The following VAC14 variants were observed in gnomAD, a reference collection of about 807,000 sequenced individuals.
The protein encoded by VAC14 is VAC14 component of PIKFYVE complex, also known as protein VAC14 homolog.
In VAC14, 47 loss-of-function variants were observed where a neutral mutation model predicts 85.3. The observed-to-expected ratio is 0.55, with a 90% CI of 0.44 to 0.70. The LOEUF is 0.70. VAC14 is among the 30% of genes least tolerant of loss of function. The probability of loss-of-function intolerance (pLI) is 0.00; values close to 1 mark genes in which losing one functional copy is unlikely to be tolerated. For missense variants in VAC14, 861 were observed against 1,004.3 expected (o/e 0.86, Z 1.93); for synonymous variants, 447 against 430.5 (o/e 1.04, Z -0.47).
At chr16:70,707,738 G>C (rs2053948854) in intron 14 of VAC14, among the ~76,000 whole-genome samples, 1 of 151,996 alleles carries the variant, frequency 6.6e-6, no homozygotes, top group African/African-American at 2.4e-5. Context: ...GAGGGGCTCT[G>C]CCTTCTCCTC....
chr16:70,736,021 C>A (rs80346763), intron 13 of VAC14, among the ~76,000 whole-genome samples: 2 of 152,182 alleles, frequency 1.3e-5, no homozygotes. Flanking sequence ...TTTGGTAGGC[C>A]GTGGTGGCCT....
chr16:70,786,253 G>A lies in VAC14; in HGVS notation c.217C>T (p.Leu73Phe). ...SQHPHSRKGG[L>F]IGLAACSIAL... ...ATGGAGCAGGCGGCCAGGCCGATGA[G>A]GCCCCCTTTCCGGCTGTGGGGGTGC... The change falls in exon 2 of 19, where the codon CTC becomes TTC. Residue 73 changes from leucine to phenylalanine, a missense_variant. Leu to Phe is a conservative substitution (Grantham distance 22). This residue lies in a region of VAC14 where 629 missense variants were observed against 703.1 expected (regional missense o/e 0.89). Coordinates refer to ENST00000261776, the MANE Select transcript of VAC14 (RefSeq NM_018052.5). The A allele has an allele frequency of 6.2e-7, 1 of 1,614,262 alleles. No individual in the cohort carries two copies. Among genetic ancestry groups the A allele is most frequent in the African/African-American group, 1.3e-5 (1 of 75,072 alleles).
chr16:70,704,747 A>G (rs1159613097), intron 14 of VAC14, among the ~76,000 whole-genome samples: 1 of 152,138 alleles, frequency 6.6e-6, no homozygotes, highest in Non-Finnish European at 1.5e-5. Flanking sequence ...GCTCGGGAGG[A>G]GCTGGGGAAT....
chr16:70,793,935 T>C (rs955712824), intron 1 of VAC14, among the ~76,000 whole-genome samples: 8 of 152,178 alleles, frequency 5.3e-5, no homozygotes, highest in African/African-American at 1.9e-4. Context: ...AGGAATGAAC[T>C]GATTAGAAAT....
chr16:70,709,003 G>A (rs1421359821), intron 14 of VAC14, among the ~76,000 whole-genome samples: 1 of 152,326 alleles, frequency 6.6e-6, no homozygotes, highest in East Asian at 1.9e-4. Flanking sequence ...GCTGAGAAGT[G>A]CCCAAGCCCT....
At chr16:70,728,037 C>T (rs2054481882) in intron 14 of VAC14, among the ~76,000 whole-genome samples, 1 of 152,222 alleles carries the variant, frequency 6.6e-6, no homozygotes, top group Admixed American at 6.5e-5. Context: ...TGTGAAAGGC[C>T]CAGCCACAAG....
At chr16:70,746,778 A>G (rs1246509319) in intron 12 of VAC14, among the ~76,000 whole-genome samples, 1 of 152,180 alleles carries the variant, frequency 6.6e-6, no homozygotes, top group Non-Finnish European at 1.5e-5. Flanking sequence ...CACACCTGCC[A>G]CGGCAGGATG....
In VAC14 at chr16:70,747,934, G is replaced by A. The variant is rs569431646; in HGVS notation, c.1372-3355C>T. On this transcript the variant is annotated intron_variant, in intron 12 of 18. Coordinates refer to ENST00000261776, the MANE Select transcript of VAC14 (RefSeq NM_018052.5). The stretch of plus-strand genomic sequence containing the variant: ...AGAGGCCTGGAAAAAGCCACCGAGA[G>A]GCCTGGCCTGTGCAAGGTTGTCTCC... 3.3e-5 allele frequency: 5 copies of A among 152,276 alleles called. No individual in the cohort carries two copies. The East Asian group carries it at 9.7e-4, about 29-fold the overall frequency. 9.4% of individuals were successfully genotyped at this position (152,276 alleles called of 1,614,324 possible). A position where few individuals can be genotyped will look rare whatever the true frequency, so the allele number is the denominator to read the frequency against.
At chr16:70,740,717 C>G (rs996061303) in intron 13 of VAC14, among the ~76,000 whole-genome samples, 1 of 152,222 alleles carries the variant, frequency 6.6e-6, no homozygotes, top group South Asian at 2.1e-4. Context: ...CAGCTGCCCG[C>G]CCAGGCTGCT....
chr16:70,774,838 C>T (rs2033439565), intron 9 of VAC14, among the ~76,000 whole-genome samples: 1 of 150,994 alleles, frequency 6.6e-6, no homozygotes, highest in South Asian at 2.1e-4. Context: ...CTCCGCCTCC[C>T]GGGTTCAAAT....
At chr16:70,775,137 A>G (rs1456513469) in intron 9 of VAC14, among the ~76,000 whole-genome samples, 1 of 152,200 alleles carries the variant, frequency 6.6e-6, no homozygotes, top group Non-Finnish European at 1.5e-5. Flanking sequence ...GGACTCCTGG[A>G]TATTGATATT....
intron 10 of VAC14, among the ~76,000 whole-genome samples, chr16:70,765,862 T>G: frequency 6.6e-6 from 1 of 152,100 alleles, no homozygotes; most frequent in East Asian, 1.9e-4. Context: ...GGGTAGACAG[T>G]GGCTCACACC....
chr16:70,689,725 A>C (rs1035171452), intron 18 of VAC14: 1 of 985,480 alleles, frequency 1.0e-6, no homozygotes, highest in African/African-American at 1.7e-5. Flanking sequence ...TAGTTCAACA[A>C]AGATCAAAAG....
intron 1 of VAC14, among the ~76,000 whole-genome samples, chr16:70,798,770 GC>G (rs1314739870): frequency 6.6e-6 from 1 of 152,210 alleles, no homozygotes; most frequent in Admixed American, 6.5e-5. Context: ...TCCTGATGCT[GC>G]TGTCTGTAGG....
chr16:70,695,508 C>T (rs2053687613), intron 17 of VAC14, 36 bp downstream of exon 17: 1 of 1,610,142 alleles, frequency 6.2e-7, no homozygotes, highest in Non-Finnish European at 8.5e-7. Context: ...CAGCCTTGGA[C>T]TCATGGCGCG....
intron 12 of VAC14, among the ~76,000 whole-genome samples, chr16:70,753,821 T>C (rs1422164039): frequency 6.6e-6 from 1 of 152,156 alleles, no homozygotes; most frequent in Non-Finnish European, 1.5e-5. Flanking sequence ...GTGTGCTCAG[T>C]CCTGCAGGCA....
chr16:70,714,500 T>TG (rs1403652075), intron 14 of VAC14: 2 of 150,732 alleles, frequency 1.3e-5, no homozygotes, highest in African/African-American at 4.9e-5. Context: ...CAGAGGTAGG[T>TG]GGGGGTCTTC....
At chr16:70,745,720 T>G (rs2030826856) in intron 12 of VAC14, among the ~76,000 whole-genome samples, 1 of 152,226 alleles carries the variant, frequency 6.6e-6, no homozygotes, top group African/African-American at 2.4e-5. Flanking sequence ...TCTCCAGGAC[T>G]GTCCCTGCGC....
At chr16:70,741,920 T>C (rs1197058511) in intron 13 of VAC14, among the ~76,000 whole-genome samples, 1 of 152,188 alleles carries the variant, frequency 6.6e-6, no homozygotes, top group Non-Finnish European at 1.5e-5. Flanking sequence ...GGCTTGATGC[T>C]GCAGGGCCCA....
Sources: gnomAD v4.1 joint callset for allele counts (sites outside exome capture counted in the v4.1 genomes callset) on GRCh38, gnomAD v4.1.1 for gene constraint, gnomAD v4.1.1 regional missense constraint, MANE v1.5 for transcripts, NCBI Gene and HGNC (gene_info 2026-07-23, HGNC 2026-07-21) for gene names.